The following GBX2 variants were observed in gnomAD, a reference collection of about 807,000 sequenced individuals.
The protein encoded by GBX2 is homeobox protein GBX-2.
A neutral mutation model predicts 22.4 loss-of-function variants in GBX2; 5 were observed. The ratio of observed to expected loss-of-function variants is 0.22; its 90% confidence interval spans 0.12 to 0.47. The LOEUF is 0.47. Ranked by LOEUF, GBX2 falls within the 20% of genes least tolerant of loss-of-function variation. GBX2 has a pLI of 0.99. For missense variants in GBX2, 470 were observed against 495.4 expected, an observed-to-expected ratio of 0.95 and a Z score of 0.49; for synonymous variants, 220 against 230.5, an observed-to-expected ratio of 0.95 and a Z score of 0.41.
chr2:236,166,131 C>G lies in GBX2; in HGVS notation c.830G>C (p.Arg277Pro). Residue 277 changes from arginine to proline, a missense_variant, in exon 2 of 2, where the codon CGC (arginine) becomes CCC (proline). Transcript: ENST00000306318. The surrounding 1 kb of genome is among the most constrained non-coding windows in gnomAD (Gnocchi z 6.6). Reference sequence around the variant, plus strand: ...TTTGAGGGCGTGGGCGATCTGCGAGCGCTCGGTCAAGGAGAGGTACTTTTT... The same window carrying G: ...TTTGAGGGCGTGGGCGATCTGCGAGGGCTCGGTCAAGGAGAGGTACTTTTT... The part of the protein sequence containing the change: ...HCKKYLSLTE[R>P]SQIAHALKLS... 1 of 1,614,214 alleles carries G rather than the reference C, an allele frequency of 6.2e-7. No individual in the cohort carries two copies. Among genetic ancestry groups the G allele is most frequent in the Non-Finnish European group, 8.5e-7 (1 of 1,180,030 alleles).
In GBX2 at chr2:236,167,457, G is replaced by T. The variant is rs2060247436; in HGVS notation, c.515C>A (p.Ala172Asp). ...LAFSAAETVQASLVGAVRGQG... is the reference protein window; with the variant it reads ...LAFSAAETVQDSLVGAVRGQG... ...GCGCGCCGCCGACTCACCGAGCGAAGCCTGCACCGTCTCGGCCGCGGAGAA... is the reference window on the plus strand; with the variant it reads ...GCGCGCCGCCGACTCACCGAGCGAATCCTGCACCGTCTCGGCCGCGGAGAA... The change falls in exon 1 of 2, where the codon GCT becomes GAT. Residue 172 changes from alanine to aspartate, a missense_variant. This residue lies in a region of GBX2 where 377 missense variants were observed against 358.6 expected (regional missense o/e 1.05). Coordinates refer to ENST00000306318, the MANE Select transcript of GBX2 (RefSeq NM_001485.4). 1 of 1,572,348 alleles carries T rather than the reference G, an allele frequency of 6.4e-7. No individual in the cohort carries two copies.
At position 236,166,544 on chromosome 2, in the gene GBX2, G is replaced by T; in HGVS notation, c.524-107C>A. ...CGCGCCCCCCGCCCCCCACCCTTTA[G>T]CGGATTGTCTTTCTATGACATTAAC... On this transcript the variant is annotated intron_variant, in intron 1 of 1. Transcript: ENST00000306318. The surrounding 1 kb of genome is among the most constrained non-coding windows in gnomAD (Gnocchi z 6.6). The T allele has an allele frequency of 1.0e-6, 1 of 967,964 alleles. No individual in the cohort carries two copies. Among genetic ancestry groups the T allele is most frequent in the Non-Finnish European group, 1.6e-6 (1 of 633,844 alleles). The allele number at this position is 967,964 out of a possible 1,614,324, so 60.0% of individuals were successfully genotyped here.
downstream of GBX2, among the ~76,000 whole-genome samples, chr2:236,164,783 A>G (rs1457265203): frequency 6.6e-6 from 1 of 152,024 alleles, no homozygotes; most frequent in Non-Finnish European, 1.5e-5. Context: ...AGCCTGATTT[A>G]TGGACCCTCC....
chr2:236,163,236 G>C (rs574167194), downstream of GBX2, among the ~76,000 whole-genome samples: 3 of 152,062 alleles, frequency 2.0e-5, no homozygotes, highest in Admixed American at 6.5e-5. Context: ...TCCCTGCCGG[G>C]CTCTCGGGGG....
Position 236,165,486 on chromosome 2 carries a change from C to T in GBX2, c.*428G>A. ...TCAACTCAAAAAGCCAGAACGCAAA[C>T]CAAAATCAGTTTAAACCCCAGTGCT... On this transcript the variant is annotated 3_prime_UTR_variant, in exon 2 of 2. Transcript: ENST00000306318. 1 of 159,606 alleles carries T rather than the reference C, an allele frequency of 6.3e-6. No homozygotes were observed. The highest frequency in any genetic ancestry group is 1.4e-5 in the Non-Finnish European group (1 of 72,626). The allele number at this position is 159,606 out of a possible 1,614,324, so 9.9% of individuals were successfully genotyped here. A position where few individuals can be genotyped will look rare whatever the true frequency, so the allele number is the denominator to read the frequency against.
In GBX2 at chr2:236,166,501, A is replaced by G. The variant is rs999790940; in HGVS notation, c.524-64T>C. 2.9e-6 allele frequency: 4 copies of G among 1,397,992 alleles called. No individual in the cohort carries two copies. In the African/African-American group the frequency reaches 5.7e-5, roughly 20 times the overall value. 86.6% of individuals were successfully genotyped at this position (1,397,992 alleles called of 1,614,324 possible). ...ACACTGGCCTTCCTTTCTCCTTCCC[A>G]CCGTCATTTGGACATTCCGCGCCCC... is the stretch of plus-strand genomic sequence containing the variant. On this transcript the variant is annotated intron_variant, in intron 1 of 1. Coordinates refer to ENST00000306318, the MANE Select transcript of GBX2 (RefSeq NM_001485.4). This position sits in a 1 kb window ranked among gnomAD's most constrained non-coding sequence, Gnocchi z 6.6.
chr2:236,165,798 G>C lies in GBX2; in HGVS notation c.*116C>G, dbSNP rs758742719. 3.3e-5 allele frequency: 27 copies of C among 825,416 alleles called. No individual in the cohort carries two copies. Among genetic ancestry groups the C allele is most frequent in the Non-Finnish European group, 5.1e-5 (26 of 513,812 alleles). 51.1% of individuals were successfully genotyped at this position (825,416 alleles called of 1,614,324 possible). ...GTGAATATATTCTCAATTTGCTTGGGATGGCCACAGCTGGGCTGTGACTTT... is the reference window on the plus strand; with the variant it reads ...GTGAATATATTCTCAATTTGCTTGGCATGGCCACAGCTGGGCTGTGACTTT... On this transcript the variant is annotated 3_prime_UTR_variant, in exon 2 of 2. Transcript: ENST00000306318.
Position 236,166,108 on chromosome 2 carries a change from T to G in GBX2, c.853A>C (p.Lys285Gln), listed in dbSNP as rs537846896. The G allele has an allele frequency of 6.2e-7, 1 of 1,614,220 alleles. No individual in the cohort carries two copies. Among genetic ancestry groups the G allele is most frequent in the South Asian group, 1.1e-5 (1 of 91,086 alleles). The change falls in exon 2 of 2, where the codon AAA becomes CAA. Residue 285 changes from lysine to glutamine, a missense_variant. Lys to Gln is a moderately conservative substitution (Grantham distance 53). Transcript: ENST00000306318. The surrounding 1 kb of genome is among the most constrained non-coding windows in gnomAD (Gnocchi z 6.6). Reference protein sequence around the residue: ...TERSQIAHALKLSEVQVKIWF... With the variant: ...TERSQIAHALQLSEVQVKIWF... ...ATTTTCACCTGCACCTCGCTGAGTT[T>G]GAGGGCGTGGGCGATCTGCGAGCGC... is the stretch of plus-strand genomic sequence containing the variant.
Position 236,167,429 on chromosome 2 carries a change from TGC to T in GBX2, c.523+18_523+19del. 1.4e-6 allele frequency: 2 copies of T among 1,434,456 alleles called. No homozygotes were observed. The highest frequency in any genetic ancestry group is 1.8e-6 in the Non-Finnish European group (2 of 1,089,552). 88.9% of individuals were successfully genotyped at this position (1,434,456 alleles called of 1,614,324 possible). ...CCTCCTCCCGCCCCCTCGTCCCGGC[TGC>T]GCGCGCCGCCGACTCACCGAGCGAA... On this transcript the variant is annotated intron_variant, in intron 1 of 1. Transcript: ENST00000306318.
In GBX2 at chr2:236,167,766, G is replaced by A; in HGVS notation, c.206C>T (p.Ala69Val). The A allele has an allele frequency of 7.1e-7, 1 of 1,414,786 alleles. No individual in the cohort carries two copies. The highest frequency in any genetic ancestry group is 1.5e-5 in the African/African-American group (1 of 66,658). The allele number at this position is 1,414,786 out of a possible 1,614,324, so 87.6% of individuals were successfully genotyped here. A position where few individuals can be genotyped will look rare whatever the true frequency, so the allele number is the denominator to read the frequency against. The part of the protein sequence containing the change: ...PPPPPALPQA[A>V]LQPALPPAHP... ...TGCGGGCGGCAGCGCTGGCTGCAGC[G>A]CGGCCTGGGGCAGCGCGGGCGGCGG... is the stretch of plus-strand genomic sequence containing the variant. Residue 69 changes from alanine to valine, a missense_variant, in exon 1 of 2, where the codon GCG (alanine) becomes GTG (valine). Coordinates refer to ENST00000306318, the MANE Select transcript of GBX2 (RefSeq NM_001485.4).
downstream of GBX2, among the ~76,000 whole-genome samples, chr2:236,162,695 C>A (rs1315433419): frequency 1.3e-5 from 2 of 152,158 alleles, no homozygotes; most frequent in African/African-American, 4.8e-5. Context: ...TGAGGCGTCC[C>A]AGTGCACGGC....
chr2:236,163,181 G>A (rs764056081), downstream of GBX2, among the ~76,000 whole-genome samples: 1 of 152,162 alleles, frequency 6.6e-6, no homozygotes, highest in Non-Finnish European at 1.5e-5. Flanking sequence ...ATCAAGCGCT[G>A]CTTGTTTATC....
At chr2:236,163,191 C>T (rs1033911199), downstream of GBX2, among the ~76,000 whole-genome samples, 1 of 152,056 alleles carries the variant, frequency 6.6e-6, no homozygotes, top group African/African-American at 2.4e-5. Context: ...GCTTGTTTAT[C>T]TTCCTCCCCT....
chr2:236,166,391 G>C lies in GBX2; in HGVS notation c.570C>G (p.Asp190Glu). Reference protein sequence around the residue: ...GQGKDESKVEDDPKGKEESFS... With the variant: ...GQGKDESKVEEDPKGKEESFS... ...AGCTCTCCTCCTTGCCCTTCGGGTCGTCTTCCACCTTTGACTCGTCTTTCC... is the reference window on the plus strand; with the variant it reads ...AGCTCTCCTCCTTGCCCTTCGGGTCCTCTTCCACCTTTGACTCGTCTTTCC... Residue 190 changes from aspartate to glutamate, a missense_variant, in exon 2 of 2, where the codon GAC (aspartate) becomes GAG (glutamate). By Grantham distance (45) the Asp-to-Glu change is conservative. Transcript: ENST00000306318. The surrounding 1 kb of genome is among the most constrained non-coding windows in gnomAD (Gnocchi z 6.6). 3 of 1,613,878 alleles carry C rather than the reference G, an allele frequency of 1.9e-6. No homozygotes were observed. The highest frequency in any genetic ancestry group is 2.5e-6 in the Non-Finnish European group (3 of 1,179,960).
chr2:236,167,365 C>T (rs2106251133), intron 1 of GBX2, 84 bp downstream of exon 1: 1 of 1,403,972 alleles, frequency 7.1e-7, no homozygotes, highest in Admixed American at 2.9e-5. Context: ...GCCTCGCCCC[C>T]TTGGTCTCCC....
rs2060245538 is a variant in GBX2 at position 236,167,296 on chromosome 2, C to T, written c.523+153G>A. 4 of 1,399,216 alleles carry T rather than the reference C, an allele frequency of 2.9e-6. No individual in the cohort carries two copies. The South Asian group carries it at 3.7e-5, about 13-fold the overall frequency. 86.7% of individuals were successfully genotyped at this position (1,399,216 alleles called of 1,614,324 possible). ...TGGCTCTGAATGTCCCCCGGAGGCC[C>T]AGCGGCACAGCCGGGCCTCATCCTC... On this transcript the variant is annotated intron_variant, in intron 1 of 1. Coordinates refer to ENST00000306318, the MANE Select transcript of GBX2 (RefSeq NM_001485.4).
Position 236,166,832 on chromosome 2 carries a change from C to T in GBX2, c.524-395G>A. ...GGGGGATTCACGATTCATCCTCCCC[C>T]CACCGCCACCATGAAAATGTAGTGA... On this transcript the variant is annotated intron_variant, in intron 1 of 1. Coordinates refer to ENST00000306318, the MANE Select transcript of GBX2 (RefSeq NM_001485.4). This position sits in a 1 kb window ranked among gnomAD's most constrained non-coding sequence, Gnocchi z 6.6. Among the ~76,000 whole-genome samples the T allele has an allele frequency of 6.6e-6, 1 of 152,170 alleles. No homozygotes were observed. Among genetic ancestry groups the T allele is most frequent in the East Asian group, 1.9e-4 (1 of 5,180 alleles).
At position 236,167,601 on chromosome 2, in the gene GBX2, G is replaced by A. The variant is rs2060249050; in HGVS notation, c.371C>T (p.Ala124Val). The change falls in exon 1 of 2, where the codon GCC (alanine) becomes GTC (valine). Residue 124 changes from alanine to valine, a missense_variant. Transcript: ENST00000306318. ...ASPQHQEAAA[A>V]RKFAPQPLPG... ...CAGCGGCTGCGGCGCGAACTTGCGG[G>A]CCGCTGCCGCCTCCTGGTGCTGGGG... 2.5e-6 allele frequency: 4 copies of A among 1,593,494 alleles called. No homozygotes were observed. In the African/African-American group the frequency reaches 4.1e-5, roughly 16 times the overall value.
At chr2:236,164,763 T>A (rs2060228889), downstream of GBX2, among the ~76,000 whole-genome samples, 1 of 152,082 alleles carries the variant, frequency 6.6e-6, no homozygotes, top group Non-Finnish European at 1.5e-5. Flanking sequence ...TGTCGCCAGA[T>A]AACGCCCGGA....
Sources: gnomAD v4.1 joint callset for allele counts (sites outside exome capture counted in the v4.1 genomes callset) on GRCh38, gnomAD v4.1.1 for gene constraint, gnomAD v4.1.1 regional missense constraint, Gnocchi (gnomAD v3.1) non-coding constraint, MANE v1.5 for transcripts, NCBI Gene and HGNC (gene_info 2026-07-23, HGNC 2026-07-21) for gene names.